The following STX8 variants were observed in gnomAD, a reference collection of about 807,000 sequenced individuals.
STX8 encodes syntaxin-8.
A neutral mutation model predicts 37.5 loss-of-function variants in STX8; 23 were observed. That is an observed-to-expected ratio of 0.61 (90% CI 0.44 to 0.87). The LOEUF is 0.87. Among genes scored for constraint, STX8 ranks in the 40% least tolerant of loss-of-function variants. STX8 has a pLI of 0.00. For missense variants in STX8, 313 were observed against 284.7 expected (o/e 1.10, Z -0.71); for synonymous variants, 115 against 99.1 (o/e 1.16, Z -0.95).
At chr17:9,321,580 C>T (rs917951060) in intron 7 of STX8, among the ~76,000 whole-genome samples, 12 of 151,984 alleles carry the variant, frequency 7.9e-5, no homozygotes, top group Non-Finnish European at 1.5e-4. Context: ...AGTACACTGG[C>T]GCAATCCCAG....
intron 7 of STX8, among the ~76,000 whole-genome samples, chr17:9,323,420 C>G (rs941810044): frequency 6.6e-6 from 1 of 152,130 alleles, no homozygotes; most frequent in African/African-American, 2.4e-5. Flanking sequence ...AAAAACACGT[C>G]AAATAACTCT....
intron 6 of STX8, among the ~76,000 whole-genome samples, chr17:9,385,927 C>G (rs9906143): frequency 0.19 from 29,245 of 152,176 alleles, 2,966 homozygotes; most frequent in Non-Finnish European, 0.22. Context: ...GCACGCGCCA[C>G]TGCGCCTGTC....
intron 6 of STX8, among the ~76,000 whole-genome samples, chr17:9,396,785 C>T (rs1032482960): frequency 1.3e-5 from 2 of 151,012 alleles, no homozygotes; most frequent in Non-Finnish European, 1.5e-5. Flanking sequence ...TATCAAAATC[C>T]GAACTGTACA....
intron 5 of STX8, among the ~76,000 whole-genome samples, chr17:9,492,465 G>A (rs1171535573): frequency 2.0e-5 from 3 of 152,190 alleles, no homozygotes; most frequent in Non-Finnish European, 2.9e-5. Context: ...ACTGACGGCC[G>A]TATTTCTCAA....
chr17:9,553,040 T>C (rs1262020344), intron 3 of STX8: 1 of 152,166 alleles, frequency 6.6e-6, no homozygotes, highest in Non-Finnish European at 1.5e-5. Flanking sequence ...TTATTCTCTT[T>C]AAAATAAGTA....
At chr17:9,551,076 A>G (rs2034950) in intron 3 of STX8, among the ~76,000 whole-genome samples, 149,380 of 152,158 alleles carry the variant, frequency 0.98, 73,388 homozygotes, top group East Asian at 1. Flanking sequence ...ACTCCGTCTC[A>G]AAAAAAAATA....
intron 7 of STX8, among the ~76,000 whole-genome samples, chr17:9,300,331 CAA>C (rs3060137): frequency 2.9e-5 from 2 of 69,310 alleles, no homozygotes; most frequent in Non-Finnish European, 2.7e-5. Flanking sequence ...AACTCCATCT[CAA>C]AAAAAAAAAA....
At chr17:9,272,129 G>A (rs1907488505) in intron 7 of STX8, among the ~76,000 whole-genome samples, 1 of 152,244 alleles carries the variant, frequency 6.6e-6, no homozygotes, top group African/African-American at 2.4e-5. Flanking sequence ...GACAAAGACG[G>A]TTCTGTTCTG....
intron 7 of STX8, among the ~76,000 whole-genome samples, chr17:9,282,150 TGA>T (rs978843215): frequency 6.6e-6 from 1 of 152,224 alleles, no homozygotes; most frequent in African/African-American, 2.4e-5. Context: ...TGTTTTGTTT[TGA>T]GATGGAGTCT....
At chr17:9,265,123 G>GAAAA (rs61526336) in intron 7 of STX8, among the ~76,000 whole-genome samples, 6 of 72,542 alleles carry the variant, frequency 8.3e-5, no homozygotes, top group African/African-American at 1.4e-4. Context: ...AGTCTGAAAA[G>GAAAA]AAAAAAAAAA....
At chr17:9,492,943 A>AC (rs1906917398) in intron 5 of STX8, among the ~76,000 whole-genome samples, 1 of 152,088 alleles carries the variant, frequency 6.6e-6, no homozygotes, top group African/African-American at 2.4e-5. Flanking sequence ...AAAATACAAA[A>AC]AAAAATTAGC....
At chr17:9,261,424 C>T (rs1016000475) in intron 7 of STX8, among the ~76,000 whole-genome samples, 9 of 152,160 alleles carry the variant, frequency 5.9e-5, no homozygotes, top group Admixed American at 2.6e-4. Flanking sequence ...GGTGCAAAGA[C>T]GTATACCTGG....
rs386385626 is a variant in STX8 at position 9,546,591 on chromosome 17, GTTTTTTTT to G, written c.213-1317_213-1310del. ...TTTCTTGATGCAAACTACAAAAGTG[GTTTTTTTT>G]TTTTTTTTTTTTTTTTGGAGACGGA... On this transcript the variant is annotated intron_variant, in intron 3 of 7. Coordinates refer to ENST00000306357, the MANE Select transcript of STX8 (RefSeq NM_004853.3). Among the ~76,000 whole-genome samples the G allele has an allele frequency of 5.7e-5, 3 of 52,216 alleles. No individual in the cohort carries two copies. The Admixed American group carries it at 9.2e-4, about 16-fold the overall frequency. 34.3% of individuals were successfully genotyped at this position (52,216 alleles called of 152,430 possible).
chr17:9,476,448 T>TC (rs771874523), intron 6 of STX8, among the ~76,000 whole-genome samples: 15 of 151,670 alleles, frequency 9.9e-5, no homozygotes, highest in Non-Finnish European at 2.1e-4. Flanking sequence ...TTTCTTCTTT[T>TC]CTTTTTTTTT....
At chr17:9,435,064 G>A (rs762346431) in intron 6 of STX8, among the ~76,000 whole-genome samples, 6 of 152,170 alleles carry the variant, frequency 3.9e-5, no homozygotes, top group Non-Finnish European at 5.9e-5. Flanking sequence ...TCTCCAATCA[G>A]TGGGTTGTGA....
chr17:9,550,584 T>TAAATAA (rs994094260), intron 3 of STX8, among the ~76,000 whole-genome samples: 49 of 151,894 alleles, frequency 3.2e-4, no homozygotes, highest in Non-Finnish European at 5.7e-4. Context: ...AAAAAATAAA[T>TAAATAA]AAATAAAAAT....
At chr17:9,291,352 G>C (rs1908306227) in intron 7 of STX8, among the ~76,000 whole-genome samples, 1 of 149,832 alleles carries the variant, frequency 6.7e-6, no homozygotes, top group African/African-American at 2.5e-5. Context: ...AGGGAGGGAG[G>C]ATCACCTAAG....
At chr17:9,255,451 C>T (rs1278031501) in intron 7 of STX8, among the ~76,000 whole-genome samples, 4 of 151,996 alleles carry the variant, frequency 2.6e-5, no homozygotes, top group Non-Finnish European at 4.4e-5. Flanking sequence ...CACTTGAACT[C>T]GGGAGGCGGA....
Position 9,429,993 on chromosome 17 carries a change from A to AT in STX8, c.542-51341dup, listed in dbSNP as rs1434859881. On this transcript the variant is annotated intron_variant, in intron 6 of 7. Coordinates refer to ENST00000306357, the MANE Select transcript of STX8 (RefSeq NM_004853.3). ...ATATATTATATAGAATATATTATAT[A>AT]TAATATATATATTATATATTATATA... Among the ~76,000 whole-genome samples the AT allele has an allele frequency of 3.2e-4, 8 of 24,626 alleles. 2 individuals carry two copies. Among genetic ancestry groups the AT allele is most frequent in the Non-Finnish European group, 4.1e-4 (7 of 17,064 alleles). The allele number at this position is 24,626 out of a possible 152,430, so 16.2% of individuals were successfully genotyped here.
Sources: allele counts gnomAD v4.1 joint callset (sites outside exome capture counted in the v4.1 genomes callset), GRCh38; gene constraint gnomAD v4.1.1; transcripts MANE v1.5; gene names NCBI Gene and HGNC (gene_info 2026-07-23, HGNC 2026-07-21).